Variants in ABCA5 observed in about 807,000 individuals in gnomAD.
ABCA5 encodes cholesterol transporter ABCA5.
In ABCA5, 163 loss-of-function variants were observed where a neutral mutation model predicts 206.0. The ratio of observed to expected loss-of-function variants is 0.79; its 90% CI spans 0.70 to 0.90. The LOEUF (loss-of-function observed/expected upper bound fraction) is 0.90. Among genes scored for constraint, ABCA5 ranks in the 40% least tolerant of loss-of-function variants. The pLI is 0.00. For missense variants in ABCA5, 1,859 were observed against 1,912.9 expected, an observed-to-expected ratio of 0.97 and a Z score of 0.53; for synonymous variants, 609 against 613.8, an observed-to-expected ratio of 0.99 and a Z score of 0.11.
intron 1 of ABCA5, chr17:69,315,107 G>A (rs970984310): frequency 2.0e-5 from 3 of 152,166 alleles, no homozygotes; most frequent in Non-Finnish European, 4.4e-5. Context: ...AAAAGTAGAA[G>A]GGGGAACAAA....
intron 1 of ABCA5, among the ~76,000 whole-genome samples, chr17:69,316,328 A>G (rs983243954): frequency 6.6e-6 from 1 of 152,078 alleles, no homozygotes; most frequent in Non-Finnish European, 1.5e-5. Flanking sequence ...CCCCATCTCT[A>G]CTAAAAATAC....
At chr17:69,267,813 T>C in intron 23 of ABCA5, 130 bp downstream of exon 23, 1 of 452,896 alleles carries the variant, frequency 2.2e-6, no homozygotes. Flanking sequence ...GAAACTATAA[T>C]AAATGTATTT....
intron 9 of ABCA5, among the ~76,000 whole-genome samples, chr17:69,299,213 G>T (rs2075623693): frequency 6.6e-6 from 1 of 152,106 alleles, no homozygotes; most frequent in Non-Finnish European, 1.5e-5. Flanking sequence ...TCCACTGTTG[G>T]TGGGAATGTA....
intron 11 of ABCA5, among the ~76,000 whole-genome samples, chr17:69,292,108 C>A (rs2075533976): frequency 6.6e-6 from 1 of 151,884 alleles, no homozygotes; most frequent in South Asian, 2.1e-4. Flanking sequence ...GACCCTGTCT[C>A]AAAAACAAAC....
Position 69,246,403 on chromosome 17 carries a change from T to C in ABCA5, c.*1134A>G, listed in dbSNP as rs2074951378. On this transcript the variant is annotated 3_prime_UTR_variant, in exon 39 of 39. Coordinates refer to ENST00000392676, the MANE Select transcript of ABCA5 (RefSeq NM_172232.4). Reference sequence around the variant, plus strand: ...TTTATACCTTGAGCCAATACATGGGTTGTACAAGGAAGTATTTCTAAGAAA... The same window carrying C: ...TTTATACCTTGAGCCAATACATGGGCTGTACAAGGAAGTATTTCTAAGAAA... The C allele has an allele frequency of 8.0e-6, 1 of 125,454 alleles. No homozygotes were observed. Among genetic ancestry groups the C allele is most frequent in the African/African-American group, 2.6e-5 (1 of 39,090 alleles). 7.8% of individuals were successfully genotyped at this position (125,454 alleles called of 1,614,324 possible). A position where few individuals can be genotyped will look rare whatever the true frequency, so the allele number is the denominator to read the frequency against.
In ABCA5 at chr17:69,298,011, C is replaced by T. The variant is rs141895176; in HGVS notation, c.1268-652G>A. On this transcript the variant is annotated intron_variant, in intron 9 of 38. Transcript: ENST00000392676. ...ACCAGCCTGGGCAATATGGCAAAAC[C>T]TTGTCTCTGCAAAAAATACAAAAAA... 5.3e-5 allele frequency among the ~76,000 whole-genome samples: 8 copies of T among 152,186 alleles called. No individual in the cohort carries two copies. The East Asian group carries it at 5.8e-4, about 11-fold the overall frequency.
chr17:69,258,539 C>T (rs757150203), intron 28 of ABCA5, among the ~76,000 whole-genome samples: 2 of 152,062 alleles, frequency 1.3e-5, no homozygotes, highest in Non-Finnish European at 2.9e-5. Context: ...AACACTAGGA[C>T]TGTGGACTCC....
In ABCA5 at chr17:69,277,744, C is replaced by A. The variant is rs138563637; in HGVS notation, c.2491G>T (p.Ala831Ser). 4 of 1,606,430 alleles carry A rather than the reference C, an allele frequency of 2.5e-6. 1 individual carries two copies. The highest frequency in any genetic ancestry group is 3.3e-4 in the Middle Eastern group (2 of 6,052). Residue 831 changes from alanine (A) to serine (S), a missense_variant, in exon 19 of 39, where the codon GCT becomes TCT. Ala to Ser is a moderately conservative substitution (Grantham distance 99). Coordinates refer to ENST00000392676, the MANE Select transcript of ABCA5 (RefSeq NM_172232.4). ...QSLLILSETKAALVSTMSLWK... is the reference protein window; with the variant it reads ...QSLLILSETKSALVSTMSLWK... ...AGGCTCATGGTGCTCACTAGAGCAGCCTTGGTTTCAGAAAGAATAAGTAAG... is the reference window on the plus strand; with the variant it reads ...AGGCTCATGGTGCTCACTAGAGCAGACTTGGTTTCAGAAAGAATAAGTAAG...
At chr17:69,253,530 T>C in intron 34 of ABCA5, 43 bp downstream of exon 34, 1 of 1,309,954 alleles carries the variant, frequency 7.6e-7, no homozygotes, top group Non-Finnish European at 1.1e-6. Flanking sequence ...GAAACTGTTC[T>C]ATTCTAAAGT....
chr17:69,256,432 TTC>T (rs1443894691), intron 28 of ABCA5, 149 bp from the exon 29 acceptor site: 2 of 459,956 alleles, frequency 4.3e-6, no homozygotes, highest in Non-Finnish European at 7.0e-6. Flanking sequence ...TAAGCGATAT[TTC>T]TTTTTTTTTC....
At chr17:69,288,847 G>A (rs2075492823) in intron 14 of ABCA5, among the ~76,000 whole-genome samples, 1 of 152,082 alleles carries the variant, frequency 6.6e-6, no homozygotes, top group South Asian at 2.1e-4. Context: ...AGGAAAGGGT[G>A]GAAGGGGGTG....
chr17:69,265,005 A>T (rs1376040943), intron 23 of ABCA5, 100 bp from the exon 24 acceptor site: 1 of 843,050 alleles, frequency 1.2e-6, no homozygotes, highest in African/African-American at 1.8e-5. Flanking sequence ...TACATCAGCA[A>T]AACCAAAAAG....
chr17:69,309,580 C>T (rs1173582572), intron 3 of ABCA5, among the ~76,000 whole-genome samples, 157 bp from the exon 4 acceptor site: 1 of 152,144 alleles, frequency 6.6e-6, no homozygotes. Flanking sequence ...CAGTGGCTCA[C>T]ACCTGTAATC....
chr17:69,259,842 T>C, intron 27 of ABCA5, 45 bp from the exon 28 acceptor site: 3 of 1,245,744 alleles, frequency 2.4e-6, no homozygotes, highest in Non-Finnish European at 3.4e-6. Flanking sequence ...AGATTTGTTG[T>C]TGTTGTTGTT....
At chr17:69,261,342 T>C (rs1377465387) in intron 25 of ABCA5, 83 bp from the exon 26 acceptor site, 4 of 1,254,410 alleles carry the variant, frequency 3.2e-6, no homozygotes, top group African/African-American at 3.0e-5. Context: ...AAACTATTTT[T>C]TCAATCCTCT....
At chr17:69,304,423 T>C (rs912279667) in intron 7 of ABCA5, 11 of 280,986 alleles carry the variant, frequency 3.9e-5, no homozygotes, top group East Asian at 6.4e-5. Context: ...AGACAACAGA[T>C]AGAGGAGTTG....
intron 1 of ABCA5, among the ~76,000 whole-genome samples, chr17:69,316,135 G>A (rs529657726): frequency 5.9e-5 from 9 of 152,280 alleles, no homozygotes; most frequent in South Asian, 4.1e-4. Context: ...ATTATCAATA[G>A]GCATTATCCA....
chr17:69,297,384 G>A, intron 9 of ABCA5, 25 bp from the exon 10 acceptor site: 1 of 1,564,126 alleles, frequency 6.4e-7, no homozygotes, highest in Non-Finnish European at 8.6e-7. Context: ...TTAAAAAACT[G>A]AGTTACCATA....
intron 3 of ABCA5, among the ~76,000 whole-genome samples, chr17:69,312,891 C>T: frequency 6.6e-6 from 1 of 151,740 alleles, no homozygotes. Context: ...AATATGCTTC[C>T]TACCACCAAG....
Sources: gnomAD v4.1 joint callset for allele counts (sites outside exome capture counted in the v4.1 genomes callset) on GRCh38, gnomAD v4.1.1 for gene constraint, MANE v1.5 for transcripts, NCBI Gene and HGNC (gene_info 2026-07-23, HGNC 2026-07-21) for gene names.